The following SYTL5 variants were observed in gnomAD, a reference collection of about 807,000 sequenced individuals.
The protein encoded by SYTL5 is synaptotagmin like 5, also known as synaptotagmin-like protein 5.
Under a neutral mutation model 55.9 loss-of-function variants are expected in SYTL5, and 34 were observed. That is an observed-to-expected ratio of 0.61 (90% CI 0.46 to 0.81). The LOEUF (loss-of-function observed/expected upper bound fraction) is 0.81. SYTL5 is among the 30% of genes least tolerant of loss of function. SYTL5 has a pLI of 0.00. For missense variants in SYTL5, 637 were observed against 546.7 expected (o/e 1.17, Z -1.65); for synonymous variants, 221 against 188.7 (o/e 1.17, Z -1.40).
At chrX:38,068,804 T>A (rs1936174735) in intron 3 of SYTL5, among the ~76,000 whole-genome samples, 1 of 110,815 alleles carries the variant, frequency 9.0e-6, no homozygotes. Flanking sequence ...AAAAACTACC[T>A]ATTGGATACT....
the SYTL5 span, among the ~76,000 whole-genome samples, chrX:37,983,642 AC>A: frequency 8.9e-6 from 1 of 112,135 alleles, no homozygotes; most frequent in South Asian, 3.6e-4. Context: ...AACCAACTAG[AC>A]CTATTAGGCT....
chrX:37,908,403 A>T, the SYTL5 span, among the ~76,000 whole-genome samples: 1 of 111,901 alleles, frequency 8.9e-6, no homozygotes, highest in Non-Finnish European at 1.9e-5. Context: ...CATTGGCAAT[A>T]TCTGGGGCAC....
At chrX:38,097,763 G>A (rs1936973716) in intron 9 of SYTL5, among the ~76,000 whole-genome samples, 1 of 108,845 alleles carries the variant, frequency 9.2e-6, no homozygotes, top group Non-Finnish European at 1.9e-5. Flanking sequence ...ATTTTAAAGA[G>A]CAAAGTTGGA....
intron 11 of SYTL5, among the ~76,000 whole-genome samples, chrX:38,107,499 C>T (rs946849862): frequency 9.0e-6 from 1 of 111,632 alleles, no homozygotes; most frequent in Non-Finnish European, 1.9e-5. Context: ...AATTTCCAGT[C>T]TCTCAGGAGA....
At chrX:38,071,173 C>A (rs1377697065) in intron 3 of SYTL5, among the ~76,000 whole-genome samples, 1 of 111,487 alleles carries the variant, frequency 9.0e-6, no homozygotes, top group Non-Finnish European at 1.9e-5. Context: ...ATTTACAACC[C>A]AGTCGAAATG....
chrX:37,932,934 C>T, the SYTL5 span, among the ~76,000 whole-genome samples: 2 of 111,166 alleles, frequency 1.8e-5, no homozygotes, highest in Non-Finnish European at 3.8e-5. Context: ...ATGATGGTCT[C>T]GGGGTAGTTG....
chrX:38,058,655 T>C (rs1036394560), intron 3 of SYTL5, among the ~76,000 whole-genome samples: 1 of 111,456 alleles, frequency 9.0e-6, no homozygotes, highest in Admixed American at 9.6e-5. Context: ...AGTGTTTTTA[T>C]TAGGAAATCA....
At position 38,095,176 on chromosome X, in the gene SYTL5, C is replaced by G. The variant is rs9698627; in HGVS notation, c.961+752C>G. Among the ~76,000 whole-genome samples, 393 of 111,539 alleles carry G rather than the reference C, an allele frequency of 3.5e-3. 5 individuals are homozygous for G. The highest frequency in any genetic ancestry group is 0.012 in the African/African-American group (373 of 30,747). ...GGGTCTCTTCTAGCCAGCCAGCTCC[C>G]AAAGGATTTTCTAAATGTGTGTGGT... On this transcript the variant is annotated intron_variant, in intron 8 of 16. Coordinates refer to ENST00000297875, the MANE Select transcript of SYTL5 (RefSeq NM_138780.3).
At chrX:37,997,397 C>T in the SYTL5 span, among the ~76,000 whole-genome samples, 2 of 112,524 alleles carry the variant, frequency 1.8e-5, no homozygotes, top group African/African-American at 6.4e-5. Flanking sequence ...CAGCTGCAGC[C>T]ATCCAAATCG....
chrX:37,927,706 G>A, the SYTL5 span, among the ~76,000 whole-genome samples: 1 of 111,180 alleles, frequency 9.0e-6, no homozygotes, highest in South Asian at 3.8e-4. Flanking sequence ...AACCCAGGAG[G>A]TGGAGGTTGC....
the SYTL5 span, among the ~76,000 whole-genome samples, chrX:37,995,114 C>T: frequency 1.2e-4 from 13 of 110,127 alleles, no homozygotes; most frequent in South Asian, 1.2e-3. Flanking sequence ...ATAAAGACGC[C>T]GAGACTTCCT....
the SYTL5 span, among the ~76,000 whole-genome samples, chrX:37,962,766 C>T: frequency 8.9e-6 from 1 of 112,105 alleles, no homozygotes; most frequent in Admixed American, 9.4e-5. Context: ...GATCACCATT[C>T]TAACTGGTGC....
the SYTL5 span, among the ~76,000 whole-genome samples, chrX:37,951,156 A>G: frequency 2.7e-5 from 3 of 111,271 alleles, no homozygotes; most frequent in Non-Finnish European, 5.7e-5. Context: ...GCCCTGTTCT[A>G]TTAAATTCTT....
At chrX:37,929,402 C>A in the SYTL5 span, among the ~76,000 whole-genome samples, 2 of 112,057 alleles carry the variant, frequency 1.8e-5, no homozygotes, top group African/African-American at 3.2e-5. Flanking sequence ...AAACTCAGAA[C>A]AGGTTTTAAA....
At chrX:37,993,298 A>G in the SYTL5 span, among the ~76,000 whole-genome samples, 1 of 112,292 alleles carries the variant, frequency 8.9e-6, no homozygotes, top group Non-Finnish European at 1.9e-5. Context: ...ATAAAAATTA[A>G]ATGTTGAAAC....
chrX:38,086,423 CT>C (rs1936662365), intron 6 of SYTL5, among the ~76,000 whole-genome samples: 1 of 112,148 alleles, frequency 8.9e-6, no homozygotes, highest in Non-Finnish European at 1.9e-5. Context: ...GTAAATTAAA[CT>C]TTTTCCTAAT....
intron 2 of SYTL5, among the ~76,000 whole-genome samples, chrX:38,051,770 T>G (rs1935631139): frequency 9.0e-6 from 1 of 111,514 alleles, no homozygotes; most frequent in Admixed American, 9.6e-5. Flanking sequence ...CATTACCATT[T>G]CTCCATATGA....
At chrX:38,007,834 CTG>C (rs910472480) in intron 1 of SYTL5, among the ~76,000 whole-genome samples, 2 of 111,474 alleles carry the variant, frequency 1.8e-5, no homozygotes, top group African/African-American at 6.5e-5. Flanking sequence ...CAACTAATAA[CTG>C]AGAAAATGTC....
In SYTL5 at chrX:38,127,817, G is replaced by A. The variant is rs1480666872; in HGVS notation, c.*1087G>A. On this transcript the variant is annotated 3_prime_UTR_variant, in exon 17 of 17. Coordinates refer to ENST00000297875, the MANE Select transcript of SYTL5 (RefSeq NM_138780.3). Reference sequence around the variant, plus strand: ...TTCCTGCTATAGGCCTGAGGTTCTAGGGCTTCTTATGCCTCATCCTCTTTA... The same window carrying A: ...TTCCTGCTATAGGCCTGAGGTTCTAAGGCTTCTTATGCCTCATCCTCTTTA... The A allele has an allele frequency of 8.9e-6, 1 of 112,190 alleles. No homozygotes were observed. The highest frequency in any genetic ancestry group is 9.4e-5 in the Admixed American group (1 of 10,606). 9.2% of individuals were successfully genotyped at this position (112,190 alleles called of 1,213,427 possible).
Sources: allele counts gnomAD v4.1 joint callset (sites outside exome capture counted in the v4.1 genomes callset), GRCh38; gene constraint gnomAD v4.1.1; transcripts MANE v1.5; gene names NCBI Gene and HGNC (gene_info 2026-07-23, HGNC 2026-07-21).